The following GYS1 variants were observed in gnomAD, a reference collection of about 807,000 sequenced individuals.
GYS1 encodes glycogen synthase 1.
GYS1 carries 60 observed loss-of-function variants against 89.1 expected under a neutral mutation model. The observed-to-expected ratio is 0.67, with a 90% CI of 0.55 to 0.84. The LOEUF (loss-of-function observed/expected upper bound fraction) is 0.84. Among genes scored for constraint, GYS1 ranks in the 40% least tolerant of loss-of-function variants. The pLI is 0.00. For missense variants in GYS1, 888 were observed against 1,003.1 expected, an observed-to-expected ratio of 0.89 and a Z score of 1.55; for synonymous variants, 366 against 401.7, an observed-to-expected ratio of 0.91 and a Z score of 1.06.
chr19:48,972,639 C>T (rs1020973710), intron 12 of GYS1, among the ~76,000 whole-genome samples: 36 of 151,208 alleles, frequency 2.4e-4, no homozygotes, highest in African/African-American at 8.5e-4. Flanking sequence ...CCACCACCCC[C>T]AGCTAATTTT....
chr19:48,982,464 G>T (rs2038781639), intron 6 of GYS1, 89 bp from the exon 7 acceptor site: 2 of 1,482,646 alleles, frequency 1.3e-6, no homozygotes, highest in Admixed American at 1.7e-5. Context: ...CTATGGGTGG[G>T]GGGGCAGAGG....
rs540221786 is a variant in GYS1 at position 48,974,830 on chromosome 19, C to T, written c.1309-97G>A. ...CGGACCCTGGGGGAGCCAAGGAGAC[C>T]ACAAATGCACCGGACGTGGGGCAAC... On this transcript the variant is annotated intron_variant, in intron 10 of 15. Transcript: ENST00000323798. 1.4e-5 allele frequency: 11 copies of T among 801,030 alleles called. No individual in the cohort carries two copies. The East Asian group carries it at 2.3e-4, about 17-fold the overall frequency. The allele number at this position is 801,030 out of a possible 1,614,324, so 49.6% of individuals were successfully genotyped here.
chr19:48,982,642 C>G (rs998297664), intron 6 of GYS1, 78 bp downstream of exon 6: 1 of 1,096,428 alleles, frequency 9.1e-7, no homozygotes, highest in African/African-American at 1.5e-5. Flanking sequence ...GGGCCCCCAG[C>G]TGCCCCCTCC....
At chr19:48,969,682 A>C in intron 15 of GYS1, 71 bp from the exon 16 acceptor site, 4 of 1,574,806 alleles carry the variant, frequency 2.5e-6, no homozygotes, top group South Asian at 2.2e-5. Context: ...GCATCCAGCC[A>C]CCTCTAGGCC....
intron 10 of GYS1, among the ~76,000 whole-genome samples, chr19:48,975,243 T>C (rs2038628056): frequency 6.6e-6 from 1 of 151,644 alleles, no homozygotes; most frequent in African/African-American, 2.4e-5. Flanking sequence ...ATTTTTTTTT[T>C]TTTTTTTTTT....
At chr19:48,985,375 G>A (rs1388613384) in intron 5 of GYS1, 86 bp downstream of exon 5, 1 of 1,355,014 alleles carries the variant, frequency 7.4e-7, no homozygotes, top group East Asian at 2.3e-5. Context: ...AACTTACAGT[G>A]GGCTTCTTGG....
At chr19:48,982,151 C>T in intron 7 of GYS1, 104 bp downstream of exon 7, 3 of 1,267,130 alleles carry the variant, frequency 2.4e-6, no homozygotes, top group South Asian at 1.2e-5. Context: ...CCTTGGCCTC[C>T]AAAAGTGTTG....
rs1309874917 is a variant in GYS1 at position 48,972,049 on chromosome 19, G to A, written c.1550-1026C>T. Among the ~76,000 whole-genome samples the A allele has an allele frequency of 3.3e-5, 5 of 150,696 alleles. No individual in the cohort carries two copies. The East Asian group carries it at 9.8e-4, about 29-fold the overall frequency. ...GCTAATTAAAAATAAAAAAAAAAAAGGCCGGGCACGGTGGCTCATGTCTGT... is the reference window on the plus strand; with the variant it reads ...GCTAATTAAAAATAAAAAAAAAAAAAGCCGGGCACGGTGGCTCATGTCTGT... On this transcript the variant is annotated intron_variant, in intron 12 of 15. Coordinates refer to ENST00000323798, the MANE Select transcript of GYS1 (RefSeq NM_002103.5).
In GYS1 at chr19:48,993,263, T is replaced by C. The variant is rs1398225853; in HGVS notation, c.-151A>G. ...GCTTCCTATTGCAAGACCGCACCCC[T>C]GCCCCGAAGCGTTGGGACCTAGGCA... is the stretch of plus-strand genomic sequence containing the variant. On this transcript the variant is annotated 5_prime_UTR_variant, in exon 1 of 16. Coordinates refer to ENST00000323798, the MANE Select transcript of GYS1 (RefSeq NM_002103.5). 1 of 739,140 alleles carries C rather than the reference T, an allele frequency of 1.4e-6. No homozygotes were observed. Among genetic ancestry groups the C allele is most frequent in the Non-Finnish European group, 2.5e-6 (1 of 404,598 alleles). The allele number at this position is 739,140 out of a possible 1,614,324, so 45.8% of individuals were successfully genotyped here.
Position 48,985,115 on chromosome 19 carries a change from G to A in GYS1, c.823+346C>T, listed in dbSNP as rs530333673. Among the ~76,000 whole-genome samples the A allele has an allele frequency of 1.8e-4, 27 of 152,148 alleles. No homozygotes were observed. The South Asian group carries it at 3.5e-3, about 20-fold the overall frequency. On this transcript the variant is annotated intron_variant, in intron 5 of 15. Coordinates refer to ENST00000323798, the MANE Select transcript of GYS1 (RefSeq NM_002103.5). ...GGCCACCCAAATCATGCAATGGCACGATCACAGCTCACTGCACCCTTGACC... is the reference window on the plus strand; with the variant it reads ...GGCCACCCAAATCATGCAATGGCACAATCACAGCTCACTGCACCCTTGACC...
At chr19:48,976,728 T>C (rs2038658949) in intron 10 of GYS1, among the ~76,000 whole-genome samples, 1 of 152,154 alleles carries the variant, frequency 6.6e-6, no homozygotes, top group African/African-American at 2.4e-5. Flanking sequence ...GTAATTCTTT[T>C]ATGGCTGTCT....
Position 48,969,211 on chromosome 19 carries a change from GT to G in GYS1, c.*76del. The G allele has an allele frequency of 1.5e-6, 2 of 1,339,728 alleles. No homozygotes were observed. Among genetic ancestry groups the G allele is most frequent in the Non-Finnish European group, 1.0e-6 (1 of 983,918 alleles). 83.0% of individuals were successfully genotyped at this position (1,339,728 alleles called of 1,614,324 possible). On this transcript the variant is annotated 3_prime_UTR_variant, in exon 16 of 16. Transcript: ENST00000323798. ...CACCCAGTGCAGATCTGGAGCGGGGGTTTAGGAGCAGCACCCCTCTGCATCC... is the reference window on the plus strand; with the variant it reads ...CACCCAGTGCAGATCTGGAGCGGGGGTTAGGAGCAGCACCCCTCTGCATCC...
chr19:48,974,659 G>A lies in GYS1; in HGVS notation c.1383C>T (p.Arg461=). 1 of 1,614,104 alleles carries A rather than the reference G, an allele frequency of 6.2e-7. No individual in the cohort carries two copies. The highest frequency in any genetic ancestry group is 8.5e-7 in the Non-Finnish European group (1 of 1,179,978). Residue 461 remains arginine (R), a synonymous_variant, in exon 11 of 16, where the codon CGC becomes CGT. Transcript: ENST00000323798. ...CACTGCTATTGAAGAGGCCGATTCG[G>A]CGGATGGTGGTCAGGATGGGGTCTG... ...DSSDPILTTI[R]RIGLFNSSAD...
At chr19:48,975,694 G>A (rs985250327) in intron 10 of GYS1, among the ~76,000 whole-genome samples, 49 of 151,724 alleles carry the variant, frequency 3.2e-4, no homozygotes, top group African/African-American at 8.7e-4. Flanking sequence ...CTGGGAGGCC[G>A]AGGCAGGAGG....
At position 48,993,026 on chromosome 19, in the gene GYS1, G is replaced by A. The variant is rs751968215; in HGVS notation, c.87C>T (p.Leu29=). 6.2e-7 allele frequency: 1 copy of A among 1,612,028 alleles called. No individual in the cohort carries two copies. Among genetic ancestry groups the A allele is most frequent in the Non-Finnish European group, 8.5e-7 (1 of 1,178,144 alleles). Residue 29 remains leucine, a synonymous_variant, in exon 1 of 16, where the codon CTC becomes CTT. Coordinates refer to ENST00000323798, the MANE Select transcript of GYS1 (RefSeq NM_002103.5). ...TAGCCACCTCCCAGGCCACTTCGAA[G>A]AGCACTGCGTTCTCCAGGTCGAATT... is the stretch of plus-strand genomic sequence containing the variant. The part of the protein sequence containing the change: ...EDEFDLENAV[L]FEVAWEVANK...
At chr19:48,970,307 A>G (rs981582030) in intron 14 of GYS1, 2 of 510,620 alleles carry the variant, frequency 3.9e-6, no homozygotes, top group Non-Finnish European at 7.1e-6. Context: ...TTTTATTTTT[A>G]GTAAAAATAA....
chr19:48,977,770 G>A (rs528911084), intron 10 of GYS1, among the ~76,000 whole-genome samples, 154 bp downstream of exon 10: 2 of 151,982 alleles, frequency 1.3e-5, no homozygotes, highest in Non-Finnish European at 2.9e-5. Flanking sequence ...GAGTCAGCAC[G>A]TGCCCTTCTG....
In GYS1 at chr19:48,969,818, G is replaced by A. The variant is rs776857328; in HGVS notation, c.1847C>T (p.Ala616Val). The A allele has an allele frequency of 2.5e-6, 4 of 1,613,780 alleles. No homozygotes were observed. The African/African-American group carries it at 4.0e-5, about 16-fold the overall frequency. Residue 616 changes from alanine (A) to valine (V), a missense_variant, in exon 15 of 16, where the codon GCC becomes GTC. Transcript: ENST00000323798. ...CTCGTAGGTGAAGTGCTCTGGAAAG[G>A]CCTTGGACAGCGCCATGTGGCGCGC... ...MSARHMALSK[A>V]FPEHFTYEPN... is the part of the protein sequence containing the mutation.
At chr19:48,974,112 A>G in intron 12 of GYS1, 101 bp downstream of exon 12, 1 of 1,294,742 alleles carries the variant, frequency 7.7e-7, no homozygotes, top group South Asian at 1.3e-5. Flanking sequence ...CTGTTTTGCA[A>G]AGAAGGCAAC....
Sources: gnomAD v4.1 joint callset for allele counts (sites outside exome capture counted in the v4.1 genomes callset) on GRCh38, gnomAD v4.1.1 for gene constraint, MANE v1.5 for transcripts, NCBI Gene and HGNC (gene_info 2026-07-23, HGNC 2026-07-21) for gene names.